PHKB: variants seen among roughly 807,000 people sequenced by gnomAD.
PHKB encodes phosphorylase b kinase regulatory subunit beta.
A neutral mutation model predicts 152.1 loss-of-function variants in PHKB; 122 were observed. The ratio of observed to expected loss-of-function variants is 0.80; its 90% CI spans 0.69 to 0.93. PHKB has a LOEUF of 0.93. Among genes scored for constraint, PHKB ranks in the 40% least tolerant of loss-of-function variants. The pLI, the probability that PHKB is intolerant of heterozygous loss-of-function variation, is 0.00. For missense variants in PHKB, 1,304 were observed against 1,328.4 expected, an observed-to-expected ratio of 0.98 and a Z score of 0.29; for synonymous variants, 436 against 464.9, an observed-to-expected ratio of 0.94 and a Z score of 0.80.
At chr16:47,593,279 G>C (rs567782844) in intron 10 of PHKB, among the ~76,000 whole-genome samples, 1 of 150,648 alleles carries the variant, frequency 6.6e-6, no homozygotes, top group African/African-American at 2.5e-5. Context: ...GAGAGAGACA[G>C]AGATAGCCAG....
intron 16 of PHKB, among the ~76,000 whole-genome samples, chr16:47,642,156 A>T (rs1428075770): frequency 6.6e-6 from 1 of 151,468 alleles, no homozygotes; most frequent in African/African-American, 2.4e-5. Context: ...AGGTTTGTTT[A>T]AAAAAAACGT....
chr16:47,556,072 T>C (rs922789170), intron 7 of PHKB, among the ~76,000 whole-genome samples: 18 of 152,214 alleles, frequency 1.2e-4, no homozygotes, highest in African/African-American at 4.1e-4. Context: ...TTTGGCTGTT[T>C]GTCTGTTATT....
chr16:47,491,291 A>G (rs1190713562), intron 1 of PHKB, among the ~76,000 whole-genome samples: 1 of 152,184 alleles, frequency 6.6e-6, no homozygotes, highest in African/African-American at 2.4e-5. Flanking sequence ...CTATGTCTAT[A>G]TGTCAATTGC....
chr16:47,493,419 C>A (rs1184253909), intron 1 of PHKB, among the ~76,000 whole-genome samples: 1 of 152,146 alleles, frequency 6.6e-6, no homozygotes, highest in Middle Eastern at 3.2e-3. Context: ...TATTTTAGAG[C>A]TAGCTTTTTA....
At chr16:47,569,058 T>C (rs953929594) in intron 7 of PHKB, among the ~76,000 whole-genome samples, 3 of 152,208 alleles carry the variant, frequency 2.0e-5, no homozygotes, top group Non-Finnish European at 4.4e-5. Flanking sequence ...CCAGTTTATG[T>C]CCAGTGTTTC....
chr16:47,559,424 TTTATTA>T (rs991383177), intron 7 of PHKB, among the ~76,000 whole-genome samples: 3 of 152,184 alleles, frequency 2.0e-5, no homozygotes, highest in Non-Finnish European at 2.9e-5. Context: ...ACAACAATCT[TTTATTA>T]TTATTGTCTT....
intron 13 of PHKB, among the ~76,000 whole-genome samples, 183 bp downstream of exon 13, chr16:47,596,714 A>G (rs1467268703): frequency 6.6e-6 from 1 of 152,118 alleles, no homozygotes; most frequent in Non-Finnish European, 1.5e-5. Flanking sequence ...GATGATGGAC[A>G]GTTTCTGGAA....
Position 47,461,339 on chromosome 16 carries a change from G to T in PHKB, c.-12G>T, listed in dbSNP as rs762623125. On this transcript the variant is annotated 5_prime_UTR_variant, in exon 1 of 31. Transcript: ENST00000323584. ...CCCCGGGGGCGGTGGCCAAGGCGGC[G>T]ACCGGAGCGCGATGGCGGGGGCGGC... 1.2e-6 allele frequency: 2 copies of T among 1,603,686 alleles called. No individual in the cohort carries two copies. The highest frequency in any genetic ancestry group is 2.2e-5 in the East Asian group (1 of 44,598).
intron 6 of PHKB, among the ~76,000 whole-genome samples, chr16:47,521,008 T>TATAC (rs779342321): frequency 2.0e-5 from 3 of 152,160 alleles, no homozygotes; most frequent in Non-Finnish European, 4.4e-5. Context: ...TATTTTATTC[T>TATAC]GTATACTAGG....
At chr16:47,612,726 A>G (rs1011991807) in intron 14 of PHKB, among the ~76,000 whole-genome samples, 1 of 152,176 alleles carries the variant, frequency 6.6e-6, no homozygotes, top group Non-Finnish European at 1.5e-5. Context: ...GGAGATTTGC[A>G]GCAAAAAACT....
At chr16:47,474,424 G>A (rs1382171008) in intron 1 of PHKB, among the ~76,000 whole-genome samples, 2 of 152,192 alleles carry the variant, frequency 1.3e-5, no homozygotes, top group African/African-American at 2.4e-5. Flanking sequence ...CTGGGATTGG[G>A]CTGTTGAGCT....
At chr16:47,630,056 G>A (rs1450426576) in intron 14 of PHKB, among the ~76,000 whole-genome samples, 1 of 152,070 alleles carries the variant, frequency 6.6e-6, no homozygotes, top group Non-Finnish European at 1.5e-5. Context: ...GATGGCAATG[G>A]GAGATATACC....
chr16:47,678,795 T>C, intron 26 of PHKB, among the ~76,000 whole-genome samples: 1 of 152,168 alleles, frequency 6.6e-6, no homozygotes, highest in Non-Finnish European at 1.5e-5. Context: ...TTTGTCAATT[T>C]TGGCTTTTGT....
chr16:47,560,416 C>A (rs111629859), intron 7 of PHKB, among the ~76,000 whole-genome samples: 59 of 152,264 alleles, frequency 3.9e-4, no homozygotes, highest in African/African-American at 1.3e-3. Context: ...CAGAAATTGA[C>A]GAGCTGATTA....
chr16:47,511,033 G>A (rs1446616297), intron 4 of PHKB, among the ~76,000 whole-genome samples: 1 of 152,122 alleles, frequency 6.6e-6, no homozygotes. Context: ...GAGTTTTTCT[G>A]TTGGATTATT....
chr16:47,648,884 A>G (rs1410272891), intron 17 of PHKB, among the ~76,000 whole-genome samples: 1 of 152,190 alleles, frequency 6.6e-6, no homozygotes, highest in African/African-American at 2.4e-5. Flanking sequence ...AGACTTTTCC[A>G]TCATATTAGA....
At chr16:47,620,286 T>G (rs1449511630) in intron 14 of PHKB, among the ~76,000 whole-genome samples, 2 of 152,220 alleles carry the variant, frequency 1.3e-5, no homozygotes, top group Non-Finnish European at 2.9e-5. Flanking sequence ...AGGAAAGGTT[T>G]CATATTGTTG....
At chr16:47,660,323 T>C (rs1973416962) in intron 20 of PHKB, among the ~76,000 whole-genome samples, 183 bp from the exon 21 acceptor site, 1 of 152,222 alleles carries the variant, frequency 6.6e-6, no homozygotes, top group Non-Finnish European at 1.5e-5. Context: ...TTTTAGGGTT[T>C]TTTTTGTGTG....
intron 29 of PHKB, among the ~76,000 whole-genome samples, chr16:47,697,209 G>GTCTTATTGCTACGGAAGCTCTGTGTGAC (rs1974163787): frequency 1.3e-5 from 2 of 152,204 alleles, no homozygotes; most frequent in African/African-American, 4.8e-5. Context: ...TAGATAATAT[G>GTCTTATTGCTACGGAAGCTCTGTGTGAC]TCTTATTGCT....
Sources: allele counts gnomAD v4.1 joint callset (sites outside exome capture counted in the v4.1 genomes callset), GRCh38; gene constraint gnomAD v4.1.1; transcripts MANE v1.5; gene names NCBI Gene and HGNC (gene_info 2026-07-23, HGNC 2026-07-21).